The following GFPT2 variants were observed in gnomAD, a reference collection of about 807,000 sequenced individuals.
GFPT2 encodes glutamine--fructose-6-phosphate transaminase 2, also known as glutamine--fructose-6-phosphate aminotransferase [isomerizing] 2.
GFPT2 carries 62 observed loss-of-function variants against 85.6 expected under a neutral mutation model. That is an observed-to-expected ratio of 0.72 (90% confidence interval 0.59 to 0.90). The LOEUF is 0.90. Ranked by LOEUF, GFPT2 falls within the 40% of genes least tolerant of loss-of-function variation. The pLI is 0.00. For synonymous variants in GFPT2, 368 were observed against 344.5 expected, an observed-to-expected ratio of 1.07 and a Z score of -0.75; for missense variants, 788 against 893.4, an observed-to-expected ratio of 0.88 and a Z score of 1.50.
chr5:180,319,066 G>A, intron 9 of GFPT2, 110 bp from the exon 10 acceptor site: 3 of 906,654 alleles, frequency 3.3e-6, no homozygotes, highest in South Asian at 1.6e-5. Flanking sequence ...ATTTTAGGAG[G>A]GACAGAGAGA....
chr5:180,306,890 T>C (rs982318570), intron 16 of GFPT2, among the ~76,000 whole-genome samples: 1 of 152,220 alleles, frequency 6.6e-6, no homozygotes, highest in African/African-American at 2.4e-5. Flanking sequence ...AAGTGGACCC[T>C]GGCAGTGCCT....
intron 15 of GFPT2, among the ~76,000 whole-genome samples, 198 bp downstream of exon 15, chr5:180,312,224 AGGCAGCGC>A (rs1473969421): frequency 5.1e-5 from 6 of 117,536 alleles, no homozygotes; most frequent in East Asian, 3.0e-4. Context: ...GGAGGCAGGG[AGGCAGCGC>A]GGCAGCGCAG....
intron 8 of GFPT2, 40 bp from the exon 9 acceptor site, chr5:180,324,345 G>T: frequency 8.7e-7 from 1 of 1,152,792 alleles, no homozygotes; most frequent in African/African-American, 1.5e-5. Context: ...CCACTGGGAT[G>T]TTTTGTTTGC....
intron 9 of GFPT2, 135 bp from the exon 10 acceptor site, chr5:180,319,091 T>C (rs568500507): frequency 6.1e-5 from 43 of 707,072 alleles, no homozygotes; most frequent in African/African-American, 2.3e-4. Flanking sequence ...ACTAAAAACA[T>C]TGATTTGCAG....
chr5:180,329,524 T>C (rs1764269022), intron 6 of GFPT2, among the ~76,000 whole-genome samples: 1 of 152,268 alleles, frequency 6.6e-6, no homozygotes, highest in Admixed American at 6.5e-5. Context: ...ATTGGCTCAC[T>C]GTACCTTATC....
At chr5:180,349,470 T>C (rs1336246016) in intron 1 of GFPT2, among the ~76,000 whole-genome samples, 1 of 152,214 alleles carries the variant, frequency 6.6e-6, no homozygotes, top group Non-Finnish European at 1.5e-5. Context: ...TTACTGATGC[T>C]ATACCATAAA....
chr5:180,325,706 A>G (rs1764200040), intron 7 of GFPT2, among the ~76,000 whole-genome samples: 1 of 152,188 alleles, frequency 6.6e-6, no homozygotes, highest in Admixed American at 6.5e-5. Context: ...CTGATTCACA[A>G]CTTCTAGTGG....
At chr5:180,322,462 G>C (rs1251003968) in intron 9 of GFPT2, among the ~76,000 whole-genome samples, 1 of 151,720 alleles carries the variant, frequency 6.6e-6, no homozygotes. Context: ...TTTTCCAGCT[G>C]TGGTGAATAG....
In GFPT2 at chr5:180,318,145, G is replaced by A. The variant is rs558692712; in HGVS notation, c.958+648C>T. On this transcript the variant is annotated intron_variant, in intron 10 of 18. Coordinates refer to ENST00000253778, the MANE Select transcript of GFPT2 (RefSeq NM_005110.4). This position sits in a 1 kb window ranked among gnomAD's most constrained non-coding sequence, Gnocchi z 4.2. ...GGCAATGAAAAGGAACCAGTCCTAT[G>A]AGAAGAACAGCGAATGCAGGGGCTG... 2.0e-5 allele frequency among the ~76,000 whole-genome samples: 3 copies of A among 152,274 alleles called. No individual in the cohort carries two copies. Among genetic ancestry groups the A allele is most frequent in the East Asian group, 3.9e-4 (2 of 5,164 alleles).
At chr5:180,332,929 C>A (rs1169067018) in intron 4 of GFPT2, among the ~76,000 whole-genome samples, 1 of 152,156 alleles carries the variant, frequency 6.6e-6, no homozygotes. Context: ...CTTTTGAAAT[C>A]TTTTCCATTA....
chr5:180,342,937 A>G (rs554643458), intron 1 of GFPT2, among the ~76,000 whole-genome samples: 100 of 152,076 alleles, frequency 6.6e-4, no homozygotes, highest in South Asian at 3.1e-3. Flanking sequence ...AAGAAAGAAA[A>G]AAACAACAAC....
In GFPT2 at chr5:180,321,846, C is replaced by T. The variant is rs902791017; in HGVS notation, c.794+2342G>A. Among the ~76,000 whole-genome samples the T allele has an allele frequency of 1.9e-4, 29 of 152,302 alleles. No homozygotes were observed. In the East Asian group the frequency reaches 1.9e-3, roughly 10 times the overall value. ...TTGCCCAGGCTGGAGTGCAGTGGCG[C>T]GATCTCGGCTCACTGCAAGCTCCGC... On this transcript the variant is annotated intron_variant, in intron 9 of 18. Coordinates refer to ENST00000253778, the MANE Select transcript of GFPT2 (RefSeq NM_005110.4).
Position 180,353,242 on chromosome 5 carries a change from G to T in GFPT2, c.-25C>A. On this transcript the variant is annotated 5_prime_UTR_variant, in exon 1 of 19. Transcript: ENST00000253778. Reference sequence around the variant, plus strand: ...TCGTGGCTGCTTCTCGGGCTCCTTCGCGGCTCGAGGGGGTCTGCCCGTTCG... The same window carrying T: ...TCGTGGCTGCTTCTCGGGCTCCTTCTCGGCTCGAGGGGGTCTGCCCGTTCG... The T allele has an allele frequency of 2.4e-6, 3 of 1,241,482 alleles. No individual in the cohort carries two copies. The highest frequency in any genetic ancestry group is 3.0e-6 in the Non-Finnish European group (3 of 988,456). The allele number at this position is 1,241,482 out of a possible 1,614,324, so 76.9% of individuals were successfully genotyped here.
chr5:180,337,453 G>GAAA (rs35211599), intron 2 of GFPT2, among the ~76,000 whole-genome samples: 16,189 of 98,938 alleles, frequency 0.16, 1,295 homozygotes, highest in East Asian at 0.22. Flanking sequence ...ACTCCATCTC[G>GAAA]AAAAAAAAAA....
intron 6 of GFPT2, among the ~76,000 whole-genome samples, chr5:180,329,682 G>T (rs376497130): frequency 2.6e-5 from 4 of 152,238 alleles, no homozygotes; most frequent in African/African-American, 9.6e-5. Context: ...CAAGAATGAT[G>T]TATTTTACAC....
rs549980166 is a variant in GFPT2 at position 180,302,957 on chromosome 5, T to C, written c.1843-373A>G. ...ATAAAGATGAATTCCAGGCCGGGCG[T>C]GGTGGCTCACGCCTGTAATCCCAAC... On this transcript the variant is annotated intron_variant, in intron 17 of 18. Transcript: ENST00000253778. Among the ~76,000 whole-genome samples the C allele has an allele frequency of 1.4e-3, 213 of 151,974 alleles. 2 individuals are homozygous for C. Among genetic ancestry groups the C allele is most frequent in the Admixed American group, 2.0e-3 (30 of 15,264 alleles).
At chr5:180,313,117 C>G (rs565681464) in intron 14 of GFPT2, among the ~76,000 whole-genome samples, 6 of 151,916 alleles carry the variant, frequency 3.9e-5, no homozygotes, top group African/African-American at 1.4e-4. Context: ...CCGGGGCGGT[C>G]TGGAACTCCT....
intron 3 of GFPT2, 24 bp from the exon 4 acceptor site, chr5:180,335,977 G>T (rs750965295): frequency 1.3e-6 from 2 of 1,553,006 alleles, no homozygotes; most frequent in South Asian, 2.4e-5. Context: ...AAATCAGTTT[G>T]CCGCACTTGA....
intron 4 of GFPT2, among the ~76,000 whole-genome samples, chr5:180,334,038 C>T (rs956586492): frequency 6.6e-6 from 1 of 152,222 alleles, no homozygotes; most frequent in African/African-American, 2.4e-5. Context: ...TTGACCTGGG[C>T]TCTGGCCAGA....
Sources: gnomAD v4.1 joint callset for allele counts (sites outside exome capture counted in the v4.1 genomes callset) on GRCh38, gnomAD v4.1.1 for gene constraint, Gnocchi (gnomAD v3.1) non-coding constraint, MANE v1.5 for transcripts, NCBI Gene and HGNC (gene_info 2026-07-23, HGNC 2026-07-21) for gene names.